Variants in SNX8 observed in about 807,000 individuals in gnomAD.
SNX8 encodes the protein sorting nexin 8.
SNX8 carries 25 observed loss-of-function variants against 51.6 expected under a neutral mutation model. That is an observed-to-expected ratio of 0.48 (90% confidence interval 0.35 to 0.68). The LOEUF (loss-of-function observed/expected upper bound fraction) is 0.68, where lower values mean the gene tolerates loss of function less well. SNX8 is among the 30% of genes least tolerant of loss of function. The pLI is 0.00. For missense variants in SNX8, 695 were observed against 624.0 expected (o/e 1.11, Z -1.21); for synonymous variants, 324 against 277.0 (o/e 1.17, Z -1.68).
intron 1 of SNX8, among the ~76,000 whole-genome samples, chr7:2,283,656 A>C (rs1484521155): frequency 1.3e-5 from 2 of 152,198 alleles, no homozygotes; most frequent in African/African-American, 4.8e-5. Context: ...CAGGACCAGC[A>C]AGGATGGCAC....
intron 1 of SNX8, among the ~76,000 whole-genome samples, chr7:2,333,942 G>A (rs1466621027): frequency 6.6e-6 from 1 of 152,046 alleles, no homozygotes; most frequent in African/African-American, 2.4e-5. Flanking sequence ...TATGAGACCA[G>A]TCTGGGCAAC....
intron 1 of SNX8, among the ~76,000 whole-genome samples, chr7:2,291,852 AAAAC>A (rs749887139): frequency 1.4e-4 from 22 of 152,158 alleles, no homozygotes; most frequent in African/African-American, 4.1e-4. Context: ...CTCCCAAACT[AAAAC>A]AAACACTCCC....
chr7:2,264,269 G>A, intron 6 of SNX8, 29 bp downstream of exon 6: 1 of 1,594,730 alleles, frequency 6.3e-7, no homozygotes, highest in African/African-American at 1.3e-5. Flanking sequence ...CACCGCGCGT[G>A]CCCCTGCAGA....
intron 1 of SNX8, among the ~76,000 whole-genome samples, chr7:2,289,021 G>T (rs1167291735): frequency 6.6e-6 from 1 of 152,238 alleles, no homozygotes; most frequent in Non-Finnish European, 1.5e-5. Flanking sequence ...ACAGGTGTGA[G>T]CCTCTGCACC....
chr7:2,261,398 C>A (rs981191160), intron 7 of SNX8, among the ~76,000 whole-genome samples: 2 of 152,140 alleles, frequency 1.3e-5, no homozygotes, highest in Non-Finnish European at 2.9e-5. Flanking sequence ...ACACCACTGC[C>A]CTCCAGCCTG....
intron 1 of SNX8, among the ~76,000 whole-genome samples, chr7:2,327,053 G>A (rs1778633743): frequency 6.6e-6 from 1 of 152,124 alleles, no homozygotes; most frequent in Non-Finnish European, 1.5e-5. Flanking sequence ...AAATCAAGTT[G>A]CCGGCAGGGC....
intron 1 of SNX8, among the ~76,000 whole-genome samples, chr7:2,329,683 A>G (rs895507941): frequency 1.3e-5 from 2 of 152,126 alleles, no homozygotes; most frequent in African/African-American, 4.8e-5. Flanking sequence ...AGCCTCCATA[A>G]AAATCCAAGA....
intron 3 of SNX8, among the ~76,000 whole-genome samples, chr7:2,272,655 C>T (rs1228701877): frequency 1.3e-5 from 2 of 151,968 alleles, no homozygotes; most frequent in Non-Finnish European, 2.9e-5. Flanking sequence ...ATATTACAGG[C>T]GTAAGCCACC....
Position 2,264,496 on chromosome 7 carries a change from G to A in SNX8, c.622-38C>T, listed in dbSNP as rs369757606. 9.5e-5 allele frequency: 150 copies of A among 1,582,346 alleles called. No homozygotes were observed. The African/African-American group carries it at 1.6e-3, about 17-fold the overall frequency. ...TGGGGGGAGAGACACTGTGTTAGTC[G>A]CTGGGGAGCACCTGTCAGACGGCAG... is the stretch of plus-strand genomic sequence containing the variant. On this transcript the variant is annotated intron_variant, in intron 5 of 10. Transcript: ENST00000222990.
At chr7:2,319,343 A>G (rs1181068263), upstream of SNX8, among the ~76,000 whole-genome samples, 2 of 151,702 alleles carry the variant, frequency 1.3e-5, no homozygotes, top group Non-Finnish European at 2.9e-5. Context: ...CCCTGCCTCA[A>G]AAAAAATAAA....
At chr7:2,301,444 T>C (rs1796391250) in intron 1 of SNX8, among the ~76,000 whole-genome samples, 1 of 152,226 alleles carries the variant, frequency 6.6e-6, no homozygotes, top group South Asian at 2.1e-4. Context: ...TTAGCAACTT[T>C]TATTGAAGCA....
At chr7:2,255,227 C>T (rs1795149295) in intron 10 of SNX8, 58 bp from the exon 11 acceptor site, 2 of 1,122,024 alleles carry the variant, frequency 1.8e-6, no homozygotes, top group Non-Finnish European at 2.5e-6. Flanking sequence ...CCTCCTCACG[C>T]TCTGATCCCA....
rs1353284686 is a variant in SNX8, at chr7:2,269,206, G to A, written c.621+353C>T. On this transcript the variant is annotated intron_variant, in intron 5 of 10. Transcript: ENST00000222990. ...ACTAAGAAAAATTCCTCTGCCTTGG[G>A]ATCCTGTTGATCTGTGACCTTACCC... Among the ~76,000 whole-genome samples, 3 of 150,970 alleles carry A rather than the reference G, an allele frequency of 2.0e-5. No homozygotes were observed. In the East Asian group the frequency reaches 5.8e-4, roughly 29 times the overall value.
At chr7:2,339,578 T>C (rs1013551079) in intron 1 of SNX8, among the ~76,000 whole-genome samples, 1 of 152,108 alleles carries the variant, frequency 6.6e-6, no homozygotes, top group Admixed American at 6.6e-5. Context: ...ATATCTAAAG[T>C]GACAATTGAC....
chr7:2,331,971 A>C (rs1054745705), intron 1 of SNX8, among the ~76,000 whole-genome samples: 6 of 151,964 alleles, frequency 3.9e-5, no homozygotes, highest in Non-Finnish European at 7.4e-5. Flanking sequence ...TTTGAGAAGG[A>C]AGGCAGGAGG....
intron 1 of SNX8, among the ~76,000 whole-genome samples, chr7:2,297,961 A>C (rs952902345): frequency 1.3e-5 from 2 of 151,964 alleles, no homozygotes; most frequent in African/African-American, 4.9e-5. Context: ...CAAGTACAAT[A>C]AAAACCCAGC....
chr7:2,353,308 C>G (rs1001364371), intron 1 of SNX8, among the ~76,000 whole-genome samples: 13 of 152,048 alleles, frequency 8.5e-5, no homozygotes, highest in African/African-American at 3.1e-4. Context: ...TCTCTTGAGG[C>G]TGGAAGGTCC....
chr7:2,335,422 GA>G (rs1778808819), intron 1 of SNX8, among the ~76,000 whole-genome samples: 1 of 151,996 alleles, frequency 6.6e-6, no homozygotes, highest in South Asian at 2.1e-4. Context: ...GCCTAGGCGA[GA>G]ACATTGCTTG....
At chr7:2,312,326 G>A (rs1313811664) in intron 1 of SNX8, among the ~76,000 whole-genome samples, 1 of 152,096 alleles carries the variant, frequency 6.6e-6, no homozygotes, top group Non-Finnish European at 1.5e-5. Context: ...CCCTACACCT[G>A]CAGAGGACCC....
Sources: gnomAD v4.1 joint callset for allele counts (sites outside exome capture counted in the v4.1 genomes callset) on GRCh38, gnomAD v4.1.1 for gene constraint, MANE v1.5 for transcripts, NCBI Gene and HGNC (gene_info 2026-07-23, HGNC 2026-07-21) for gene names.